Variants in ZKSCAN7 observed in about 807,000 individuals in gnomAD.
ZKSCAN7 encodes the protein zinc finger with KRAB and SCAN domains 7.
ZKSCAN7 carries 38 observed loss-of-function variants against 65.3 expected under a neutral mutation model. The ratio of observed to expected loss-of-function variants is 0.58; its 90% confidence interval spans 0.45 to 0.76. The LOEUF is 0.76. Ranked by LOEUF, ZKSCAN7 falls within the 30% of genes least tolerant of loss-of-function variation. The pLI is 0.00. For missense variants in ZKSCAN7, 815 were observed against 913.3 expected (o/e 0.89, Z 1.39); for synonymous variants, 321 against 321.0 (o/e 1.00, Z 0.00).
chr3:44,568,230 C>G (rs1350114471), intron 4 of ZKSCAN7, 77 bp from the exon 5 acceptor site: 2 of 1,573,436 alleles, frequency 1.3e-6, no homozygotes, highest in African/African-American at 1.4e-5. Flanking sequence ...AGCCCATACC[C>G]TGTGCCCTTC....
chr3:44,566,274 C>T (rs777872487), intron 3 of ZKSCAN7, among the ~76,000 whole-genome samples: 4 of 152,046 alleles, frequency 2.6e-5, no homozygotes, highest in Non-Finnish European at 4.4e-5. Flanking sequence ...GGAACCTGGG[C>T]CTTGTTTGTA....
In ZKSCAN7 at chr3:44,579,312, C is replaced by T. The variant is rs182250820; in HGVS notation, c.812-3660C>T. 8.6e-3 allele frequency among the ~76,000 whole-genome samples: 1,317 copies of T among 152,290 alleles called. 15 individuals are homozygous for T. Among genetic ancestry groups the T allele is most frequent in the African/African-American group, 0.03 (1,255 of 41,572 alleles). ...CGCTCCAGCTCCCCAGGCTCCGCCT[C>T]AGGGCGCAGGGGCTCGTGGGTGTCA... On this transcript the variant is annotated intron_variant, in intron 5 of 5. Coordinates refer to the ZKSCAN7 transcript ENST00000341840.
At chr3:44,563,161 G>T (rs1468996375) in intron 2 of ZKSCAN7, among the ~76,000 whole-genome samples, 1 of 152,118 alleles carries the variant, frequency 6.6e-6, no homozygotes, top group Non-Finnish European at 1.5e-5. Flanking sequence ...CCTCAGCCTG[G>T]ATTTCATTAT....
At position 44,558,506 on chromosome 3, in the gene ZKSCAN7, C is replaced by T. The variant is rs192851859; in HGVS notation, c.423+1036C>T. 2.9e-3 allele frequency among the ~76,000 whole-genome samples: 419 copies of T among 146,006 alleles called. 2 individuals are homozygous for T. The highest frequency in any genetic ancestry group is 1.0e-2 in the African/African-American group (392 of 39,304). On this transcript the variant is annotated intron_variant, in intron 2 of 5. Transcript: ENST00000426540. ...CGCCACTGCACTCCAGCCTGGGTGACAGAGCGAGACTTCATCTCAAAAAAA... is the reference window on the plus strand; with the variant it reads ...CGCCACTGCACTCCAGCCTGGGTGATAGAGCGAGACTTCATCTCAAAAAAA...
At chr3:44,568,798 C>T (rs1168924942) in intron 5 of ZKSCAN7, among the ~76,000 whole-genome samples, 2 of 152,192 alleles carry the variant, frequency 1.3e-5, no homozygotes, top group African/African-American at 4.8e-5. Context: ...GGAGCCTGAG[C>T]TGCAAAAGCA....
chr3:44,568,618 C>G, intron 5 of ZKSCAN7, 185 bp downstream of exon 5: 2 of 855,492 alleles, frequency 2.3e-6, no homozygotes, highest in African/African-American at 3.4e-5. Context: ...CTCTTCACCT[C>G]ATTATGAATT....
chr3:44,567,249 G>A (rs143155911), intron 3 of ZKSCAN7, among the ~76,000 whole-genome samples: 183 of 152,046 alleles, frequency 1.2e-3, no homozygotes, highest in Middle Eastern at 3.4e-3. Flanking sequence ...GAGGGGAAGG[G>A]AAGGGAAGAG....
intron 1 of ZKSCAN7, 50 bp from the exon 2 acceptor site, chr3:44,556,880 G>A (rs1699309071): frequency 1.1e-6 from 1 of 902,680 alleles, no homozygotes; most frequent in South Asian, 1.6e-5. Context: ...ATTGTCATCA[G>A]CCTGGGGCTG....
intron 3 of ZKSCAN7, among the ~76,000 whole-genome samples, chr3:44,567,349 C>T (rs1699666333): frequency 6.6e-6 from 1 of 152,090 alleles, no homozygotes; most frequent in Non-Finnish European, 1.5e-5. Flanking sequence ...CAGCCTCCCA[C>T]CTTAGCCTAG....
chr3:44,579,139 G>C (rs1699997252), intron 5 of ZKSCAN7, among the ~76,000 whole-genome samples: 1 of 152,250 alleles, frequency 6.6e-6, no homozygotes, highest in African/African-American at 2.4e-5. Context: ...TCTCCACGTG[G>C]ACGTTATGCG....
At chr3:44,577,824 A>C (rs1559433184) in intron 5 of ZKSCAN7, among the ~76,000 whole-genome samples, 1 of 152,208 alleles carries the variant, frequency 6.6e-6, no homozygotes, top group Non-Finnish European at 1.5e-5. Flanking sequence ...CGATGACAAC[A>C]ACAGCAGTAA....
chr3:44,577,818 GACA>G (rs1390758543), intron 5 of ZKSCAN7, among the ~76,000 whole-genome samples: 4 of 152,214 alleles, frequency 2.6e-5, no homozygotes, highest in African/African-American at 9.7e-5. Flanking sequence ...AGTTAACGAT[GACA>G]ACAACAGCAG....
intron 5 of ZKSCAN7, among the ~76,000 whole-genome samples, chr3:44,579,272 C>T (rs996847003): frequency 1.3e-5 from 2 of 152,234 alleles, no homozygotes; most frequent in African/African-American, 4.8e-5. Context: ...CTCCTCCCGC[C>T]TCCGTGCACG....
Position 44,571,101 on chromosome 3 carries a change from A to G in ZKSCAN7, c.1991A>G (p.Glu664Gly), listed in dbSNP as rs373560883. ...ATTCACACTGGTGAGAAACCCTATG[A>G]ATGTAATGAGTGTGGGAAGGTATTC... The part of the protein sequence containing the change: ...QRIHTGEKPY[E>G]CNECGKVFSY... Residue 664 changes from glutamate to glycine, a missense_variant, in exon 6 of 6, where the codon GAA becomes GGA. Around this residue, in one of 3 missense-constraint regions of ZKSCAN7, gnomAD observed 578 missense variants for 629.5 expected, o/e 0.92. Transcript: ENST00000426540. 1.5e-5 allele frequency: 24 copies of G among 1,614,020 alleles called. No individual in the cohort carries two copies. Among genetic ancestry groups the G allele is most frequent in the Non-Finnish European group, 1.9e-5 (23 of 1,180,028 alleles).
rs1180756474 is a variant in ZKSCAN7 at position 44,558,945 on chromosome 3, AT to A, written c.423+1483del. ...AGTCATGTGCCACCACACCAGGCTA[AT>A]TTTTTTTATTGTAGACATGTGGTCT... On this transcript the variant is annotated intron_variant, in intron 2 of 5. Coordinates refer to ENST00000426540, the MANE Select transcript of ZKSCAN7 (RefSeq NM_001288590.2). Among the ~76,000 whole-genome samples, 3 of 151,440 alleles carry A rather than the reference AT, an allele frequency of 2.0e-5. No individual in the cohort carries two copies. The East Asian group carries it at 5.8e-4, about 29-fold the overall frequency.
chr3:44,564,597 G>A (rs1699576064), intron 2 of ZKSCAN7, among the ~76,000 whole-genome samples: 1 of 152,194 alleles, frequency 6.6e-6, no homozygotes, highest in Non-Finnish European at 1.5e-5. Context: ...CTTTGTCAGT[G>A]TGCTCAGAGA....
At chr3:44,569,839 TCAGG>T in intron 5 of ZKSCAN7, 79 bp from the exon 6 acceptor site, 2 of 1,440,780 alleles carry the variant, frequency 1.4e-6, no homozygotes, top group African/African-American at 1.4e-5. Context: ...TGACTTTTTT[TCAGG>T]TATGTTAGCT....
chr3:44,563,353 G>A (rs931874169), intron 2 of ZKSCAN7, among the ~76,000 whole-genome samples: 7 of 152,088 alleles, frequency 4.6e-5, no homozygotes, highest in African/African-American at 1.4e-4. Context: ...CACTTTCCTG[G>A]TACCAATTTT....
chr3:44,576,520 T>G (rs1017682423), downstream of ZKSCAN7, among the ~76,000 whole-genome samples: 1 of 152,236 alleles, frequency 6.6e-6, no homozygotes, highest in African/African-American at 2.4e-5. Flanking sequence ...TTGAATTTTT[T>G]TTTCATATGT....
Sources: gnomAD v4.1 joint callset for allele counts (sites outside exome capture counted in the v4.1 genomes callset) on GRCh38, gnomAD v4.1.1 for gene constraint, gnomAD v4.1.1 regional missense constraint, MANE v1.5 for transcripts, NCBI Gene and HGNC (gene_info 2026-07-23, HGNC 2026-07-21) for gene names.